The following ATXN10 variants were observed in gnomAD, a reference collection of about 807,000 sequenced individuals.
ATXN10 encodes ataxin 10.
A neutral mutation model predicts 52.9 loss-of-function variants in ATXN10; 28 were observed. That is an observed-to-expected ratio of 0.53 (90% confidence interval 0.39 to 0.73). The LOEUF (loss-of-function observed/expected upper bound fraction) is 0.73. Among genes scored for constraint, ATXN10 ranks in the 30% least tolerant of loss-of-function variants. ATXN10 has a pLI of 0.00. For missense variants in ATXN10, 565 were observed against 577.0 expected, an observed-to-expected ratio of 0.98 and a Z score of 0.21; for synonymous variants, 226 against 221.5, an observed-to-expected ratio of 1.02 and a Z score of -0.18.
chr22:45,713,400 A>G (rs748546809), intron 5 of ATXN10, among the ~76,000 whole-genome samples: 3 of 152,154 alleles, frequency 2.0e-5, no homozygotes, highest in African/African-American at 2.4e-5. Context: ...GGCATCAACA[A>G]TGTGATTTGT....
chr22:45,813,571 T>C (rs908421355), intron 10 of ATXN10, among the ~76,000 whole-genome samples: 1 of 152,002 alleles, frequency 6.6e-6, no homozygotes, highest in Non-Finnish European at 1.5e-5. Context: ...GGTAATCCTA[T>C]GTTGAGGAAG....
At chr22:45,680,764 C>CAGCCACTGTT (rs768665346) in intron 1 of ATXN10, among the ~76,000 whole-genome samples, 11 of 152,000 alleles carry the variant, frequency 7.2e-5, no homozygotes, top group Admixed American at 4.6e-4. Context: ...GTTCCTGGAA[C>CAGCCACTGTT]CCTTTAAGGT....
rs1435393189 is a variant in ATXN10 at position 45,750,902 on chromosome 22, A to C, written c.1173+10364A>C. 6.6e-6 allele frequency among the ~76,000 whole-genome samples: 1 copy of C among 151,772 alleles called. No homozygotes were observed. Among genetic ancestry groups the C allele is most frequent in the East Asian group, 1.9e-4 (1 of 5,168 alleles). ...AAGAAGAGAACATGCTCCGTTCATT[A>C]GTGATTGTAGTAATTCTTTCTTTCT... On this transcript the variant is annotated intron_variant, in intron 9 of 11. Coordinates refer to ENST00000252934, the MANE Select transcript of ATXN10 (RefSeq NM_013236.4). This position sits in a 1 kb window ranked among gnomAD's most constrained non-coding sequence, Gnocchi z 4.2.
intron 10 of ATXN10, among the ~76,000 whole-genome samples, chr22:45,809,305 C>T (rs1928203765): frequency 6.6e-6 from 1 of 152,190 alleles, no homozygotes; most frequent in African/African-American, 2.4e-5. Flanking sequence ...CCCATTCACT[C>T]TTTCCCCCCC....
In ATXN10 at chr22:45,728,911, A is replaced by G. The variant is rs1002637812; in HGVS notation, c.729-514A>G. 2.6e-5 allele frequency among the ~76,000 whole-genome samples: 4 copies of G among 152,224 alleles called. No homozygotes were observed. Among genetic ancestry groups the G allele is most frequent in the African/African-American group, 9.6e-5 (4 of 41,466 alleles). On this transcript the variant is annotated intron_variant, in intron 6 of 11. Coordinates refer to ENST00000252934, the MANE Select transcript of ATXN10 (RefSeq NM_013236.4). The surrounding 1 kb of genome is among the most constrained non-coding windows in gnomAD (Gnocchi z 4.3). ...CAGGGCACAGATTGAATCCTAGCTT[A>G]GACTCTCAGTGGTTTTGTGACACTG...
Position 45,843,021 on chromosome 22 carries a change from G to A in ATXN10, c.1268G>A (p.Arg423Gln), listed in dbSNP as rs542453268. The change falls in exon 11 of 12, where the codon CGA (arginine) becomes CAA (glutamine). Residue 423 changes from arginine (R) to glutamine (Q), a missense_variant. By Grantham distance (43) the Arg-to-Gln change is conservative. Coordinates refer to ENST00000252934, the MANE Select transcript of ATXN10 (RefSeq NM_013236.4). The surrounding 1 kb of genome is among the most constrained non-coding windows in gnomAD (Gnocchi z 4.5). Reference protein sequence around the residue: ...FLTQWVIYAIRNLTEDNSQNQ... With the variant: ...FLTQWVIYAIQNLTEDNSQNQ... The stretch of plus-strand genomic sequence containing the variant: ...ACCCAGTGGGTGATATATGCCATCC[G>A]AAACCTTACCGAAGACAACAGCCAA... 10 of 1,614,132 alleles carry A rather than the reference G, an allele frequency of 6.2e-6. No individual in the cohort carries two copies. The Admixed American group carries it at 1.0e-4, about 16-fold the overall frequency.
In ATXN10 at chr22:45,835,870, A is replaced by C. The variant is rs1318341576; in HGVS notation, c.1238-7121A>C. Among the ~76,000 whole-genome samples, 1 of 152,176 alleles carries C rather than the reference A, an allele frequency of 6.6e-6. No individual in the cohort carries two copies. The highest frequency in any genetic ancestry group is 2.4e-5 in the African/African-American group (1 of 41,424). On this transcript the variant is annotated intron_variant, in intron 10 of 11. Transcript: ENST00000252934. This position sits in a 1 kb window ranked among gnomAD's most constrained non-coding sequence, Gnocchi z 5.0. ...TTTTTTAACACTTTCAGTATTAGCA[A>C]TTAGCCATTAATTGGTAAATTGGAG...
chr22:45,843,525 G>A lies in ATXN10; in HGVS notation c.1426-144G>A. 1.3e-6 allele frequency: 1 copy of A among 777,474 alleles called. No homozygotes were observed. The highest frequency in any genetic ancestry group is 2.7e-5 in the East Asian group (1 of 37,452). The allele number at this position is 777,474 out of a possible 1,614,324, so 48.2% of individuals were successfully genotyped here. A position where few individuals can be genotyped will look rare whatever the true frequency, so the allele number is the denominator to read the frequency against. On this transcript the variant is annotated intron_variant, in intron 11 of 11. Coordinates refer to ENST00000252934, the MANE Select transcript of ATXN10 (RefSeq NM_013236.4). The surrounding 1 kb of genome is among the most constrained non-coding windows in gnomAD (Gnocchi z 4.5). ...TATAGTTTAAAAAACAGAACTCCTT[G>A]AATAATATTGCATGAATTGTTTTAG...
At chr22:45,756,590 G>A (rs1926181912) in intron 9 of ATXN10, among the ~76,000 whole-genome samples, 1 of 152,250 alleles carries the variant, frequency 6.6e-6, no homozygotes, top group African/African-American at 2.4e-5. Flanking sequence ...ATGAACTATT[G>A]CTTGAAAAGA....
Position 45,826,740 on chromosome 22 carries a change from C to G in ATXN10, c.1238-16251C>G, listed in dbSNP as rs1045243490. Among the ~76,000 whole-genome samples the G allele has an allele frequency of 6.6e-5, 10 of 152,168 alleles. No individual in the cohort carries two copies. The highest frequency in any genetic ancestry group is 1.5e-4 in the Non-Finnish European group (10 of 68,028). ...TAAGGCATTCACAGACGAACAAAAG[C>G]TGATGGAGTTTGTTACCACTAGACC... On this transcript the variant is annotated intron_variant, in intron 10 of 11. Transcript: ENST00000252934. The surrounding 1 kb of genome is among the most constrained non-coding windows in gnomAD (Gnocchi z 5.0).
chr22:45,745,867 A>G (rs183260940), intron 9 of ATXN10, among the ~76,000 whole-genome samples: 94 of 152,334 alleles, frequency 6.2e-4, no homozygotes, highest in African/African-American at 2.2e-3. Context: ...GTTCTTTTCA[A>G]GGAGTGTAAA....
chr22:45,738,974 T>C, intron 8 of ATXN10, 135 bp downstream of exon 8: 13 of 792,870 alleles, frequency 1.6e-5, no homozygotes, highest in Non-Finnish European at 2.1e-5. Flanking sequence ...TTGAGAGGAA[T>C]CACAGTGTTG....
chr22:45,735,812 C>CTTTTTTT (rs746222703), intron 7 of ATXN10, among the ~76,000 whole-genome samples: 11 of 65,824 alleles, frequency 1.7e-4, no homozygotes, highest in South Asian at 7.5e-4. Flanking sequence ...ATTTGCTTGT[C>CTTTTTTT]TTTTTTTTTT....
chr22:45,693,034 T>G lies in ATXN10; in HGVS notation c.347T>G (p.Leu116Arg). ...DTIGVAVDLI[L>R]LFRELRVEQE... is the part of the protein sequence containing the mutation. ...ATTGGTGTTGCTGTTGATTTGATTC[T>G]TCTGTTTCGTGAACTGCGAGTGGAA... The change falls in exon 3 of 12, where the codon CTT becomes CGT. Residue 116 changes from leucine (L) to arginine (R), a missense_variant. Coordinates refer to ENST00000252934, the MANE Select transcript of ATXN10 (RefSeq NM_013236.4). The G allele has an allele frequency of 6.2e-7, 1 of 1,614,148 alleles. No individual in the cohort carries two copies. Among genetic ancestry groups the G allele is most frequent in the African/African-American group, 1.3e-5 (1 of 75,064 alleles).
intron 10 of ATXN10, among the ~76,000 whole-genome samples, chr22:45,827,500 C>T (rs186106519): frequency 2.0e-5 from 3 of 152,070 alleles, no homozygotes; most frequent in African/African-American, 7.2e-5. Context: ...AGAGAGCAGA[C>T]GTGACTAATA....
rs1443963236 is a variant in ATXN10 at position 45,820,545 on chromosome 22, C to G, written c.1237+13523C>G. 6.6e-6 allele frequency among the ~76,000 whole-genome samples: 1 copy of G among 152,206 alleles called. No homozygotes were observed. The highest frequency in any genetic ancestry group is 2.4e-5 in the African/African-American group (1 of 41,450). ...GGTGGCTGGAGGAAAAGGGAAGCCT[C>G]TGGCTGCTTTGGGCTTTCTGATCCT... On this transcript the variant is annotated intron_variant, in intron 10 of 11. Coordinates refer to ENST00000252934, the MANE Select transcript of ATXN10 (RefSeq NM_013236.4). The surrounding 1 kb of genome is among the most constrained non-coding windows in gnomAD (Gnocchi z 4.9).
intron 2 of ATXN10, among the ~76,000 whole-genome samples, chr22:45,691,518 G>C (rs1003246175): frequency 1.3e-5 from 2 of 152,240 alleles, no homozygotes; most frequent in African/African-American, 4.8e-5. Flanking sequence ...GAGAGGCTGG[G>C]AACATTCTCT....
intron 9 of ATXN10, among the ~76,000 whole-genome samples, chr22:45,756,182 C>T (rs1926168932): frequency 6.6e-6 from 1 of 151,820 alleles, no homozygotes; most frequent in South Asian, 2.1e-4. Flanking sequence ...GTTGTGCTTT[C>T]TCACCCAGGC....
rs968997578 is a variant in ATXN10, at chr22:45,837,419, G to A, written c.1238-5572G>A. ...GGGACTGCAGGCGGCTCACCAGCACGCCCAGCTGATTTTTTTGTATATTTA... is the reference window on the plus strand; with the variant it reads ...GGGACTGCAGGCGGCTCACCAGCACACCCAGCTGATTTTTTTGTATATTTA... On this transcript the variant is annotated intron_variant, in intron 10 of 11. Coordinates refer to ENST00000252934, the MANE Select transcript of ATXN10 (RefSeq NM_013236.4). This position sits in a 1 kb window ranked among gnomAD's most constrained non-coding sequence, Gnocchi z 5.8. Among the ~76,000 whole-genome samples, 2 of 151,904 alleles carry A rather than the reference G, an allele frequency of 1.3e-5. No homozygotes were observed. The highest frequency in any genetic ancestry group is 2.4e-5 in the African/African-American group (1 of 41,328).
Sources: gnomAD v4.1 joint callset for allele counts (sites outside exome capture counted in the v4.1 genomes callset) on GRCh38, gnomAD v4.1.1 for gene constraint, Gnocchi (gnomAD v3.1) non-coding constraint, MANE v1.5 for transcripts, NCBI Gene and HGNC (gene_info 2026-07-23, HGNC 2026-07-21) for gene names.